The following TCF20 variants were observed in gnomAD, a reference collection of about 807,000 sequenced individuals.
TCF20 encodes transcription factor 20.
TCF20 carries 3 observed loss-of-function variants against 148.6 expected under a neutral mutation model. The ratio of observed to expected loss-of-function variants is 0.02; its 90% CI spans 0.01 to 0.05. The LOEUF is 0.05. TCF20 is among the 10% of genes least tolerant of loss of function. The probability of loss-of-function intolerance (pLI) is 1.00; values close to 1 mark genes in which losing one functional copy is unlikely to be tolerated. For missense variants in TCF20, 2,350 were observed against 2,429.3 expected (o/e 0.97, Z 0.69); for synonymous variants, 1,049 against 909.5 (o/e 1.15, Z -2.76).
At chr22:42,247,371 C>G (rs566693812) in intron 1 of TCF20, among the ~76,000 whole-genome samples, 4 of 143,876 alleles carry the variant, frequency 2.8e-5, no homozygotes, top group Admixed American at 2.2e-4. Flanking sequence ...ACCCGGGAGG[C>G]GGAGCTTGCA....
At chr22:42,284,628 C>T (rs1926989576), upstream of TCF20, among the ~76,000 whole-genome samples, 1 of 152,154 alleles carries the variant, frequency 6.6e-6, no homozygotes, top group Non-Finnish European at 1.5e-5. Context: ...TGGCTGCCCC[C>T]TACAAAGGTG....
chr22:42,161,414 AACAGC>A, intron 5 of TCF20, 56 bp from the exon 6 acceptor site: 1 of 1,612,604 alleles, frequency 6.2e-7, no homozygotes, highest in Non-Finnish European at 8.5e-7. Context: ...GTCCACCACC[AACAGC>A]CGCTGTTCCG....
At chr22:42,265,312 T>C (rs2146988213) in intron 1 of TCF20, among the ~76,000 whole-genome samples, 1 of 152,296 alleles carries the variant, frequency 6.6e-6, no homozygotes, top group East Asian at 1.9e-4. Context: ...TACTGTATTC[T>C]TTTTCTTCTT....
chr22:42,223,577 T>C (rs560702994), intron 1 of TCF20, among the ~76,000 whole-genome samples: 10 of 152,190 alleles, frequency 6.6e-5, no homozygotes, highest in Non-Finnish European at 1.2e-4. Flanking sequence ...AAATGGAGAC[T>C]CAGAAGTTAA....
intron 1 of TCF20, among the ~76,000 whole-genome samples, chr22:42,246,100 C>CTTTTTCT (rs1332066851): frequency 6.6e-6 from 1 of 152,054 alleles, no homozygotes; most frequent in Non-Finnish European, 1.5e-5. Flanking sequence ...TTGCTTAATT[C>CTTTTTCT]TTTTTCTTTT....
intron 1 of TCF20, among the ~76,000 whole-genome samples, chr22:42,260,914 C>CA (rs1226517284): frequency 6.6e-6 from 1 of 152,170 alleles, no homozygotes; most frequent in African/African-American, 2.4e-5. Context: ...TTTTTACAGT[C>CA]AAATCACATA....
intron 1 of TCF20, among the ~76,000 whole-genome samples, chr22:42,260,593 G>A (rs1204959013): frequency 2.0e-5 from 3 of 151,966 alleles, no homozygotes; most frequent in Non-Finnish European, 1.5e-5. Flanking sequence ...GATGCAATAC[G>A]CCCACCTCAG....
In TCF20 at chr22:42,279,748, G is replaced by A. The variant is rs1052133091; in HGVS notation, c.-37+4079C>T. Among the ~76,000 whole-genome samples the A allele has an allele frequency of 1.3e-5, 2 of 152,196 alleles. No homozygotes were observed. The highest frequency in any genetic ancestry group is 2.9e-5 in the Non-Finnish European group (2 of 68,036). On this transcript the variant is annotated intron_variant, in intron 1 of 5. Transcript: ENST00000359486. The surrounding 1 kb of genome is among the most constrained non-coding windows in gnomAD (Gnocchi z 4.3). Reference sequence around the variant, plus strand: ...CCTACAGTCACCCAGCAGACACAGCGGAGCAAGGAGGAAGCCACACCTGTT... The same window carrying A: ...CCTACAGTCACCCAGCAGACACAGCAGAGCAAGGAGGAAGCCACACCTGTT...
chr22:42,326,721 T>C (rs961793537), intron 1 of TCF20, among the ~76,000 whole-genome samples: 4 of 152,254 alleles, frequency 2.6e-5, no homozygotes, highest in Admixed American at 2.0e-4. Flanking sequence ...AACTGTAGTC[T>C]GGACAGAACC....
chr22:42,220,524 T>C (rs960182953), intron 1 of TCF20, among the ~76,000 whole-genome samples: 2 of 152,242 alleles, frequency 1.3e-5, no homozygotes, highest in African/African-American at 4.8e-5. Flanking sequence ...CATGATTTTC[T>C]GCTTATTCTC....
At chr22:42,285,520 G>A (rs143893559), upstream of TCF20, among the ~76,000 whole-genome samples, 386 of 152,152 alleles carry the variant, frequency 2.5e-3, no homozygotes, top group African/African-American at 8.6e-3. This position sits in a 1 kb window ranked among gnomAD's most constrained non-coding sequence, Gnocchi z 4.2. Flanking sequence ...GAGGCATTCC[G>A]CAGCCCTTCT....
Position 42,251,492 on chromosome 22 carries a change from CTTTTTTTTTTTT to C in TCF20, c.-37+18835_-37+18846del, listed in dbSNP as rs71184878. ...ACTCTGTACCTGGCCAAACAAGTGT[CTTTTTTTTTTTT>C]TTTTTTTTTTTTTTTTGAGACAGAA... On this transcript the variant is annotated intron_variant, in intron 1 of 5. Transcript: ENST00000677622. 1.9e-4 allele frequency among the ~76,000 whole-genome samples: 9 copies of C among 47,026 alleles called. No homozygotes were observed. In the East Asian group the frequency reaches 2.4e-3, roughly 12 times the overall value. 30.9% of individuals were successfully genotyped at this position (47,026 alleles called of 152,430 possible). A position where few individuals can be genotyped will look rare whatever the true frequency, so the allele number is the denominator to read the frequency against.
chr22:42,331,182 G>T (rs978875755), intron 1 of TCF20, among the ~76,000 whole-genome samples: 1 of 152,210 alleles, frequency 6.6e-6, no homozygotes, highest in African/African-American at 2.4e-5. Flanking sequence ...GCCGCGGAGC[G>T]CGACTGTCAA....
chr22:42,203,109 A>G (rs1938151638), intron 2 of TCF20, among the ~76,000 whole-genome samples: 2 of 152,142 alleles, frequency 1.3e-5, no homozygotes, highest in South Asian at 2.1e-4. Context: ...TTGTTTATCA[A>G]TATTTTTGTT....
intron 1 of TCF20, among the ~76,000 whole-genome samples, chr22:42,298,329 G>T (rs1259335652): frequency 6.6e-6 from 1 of 152,244 alleles, no homozygotes; most frequent in Non-Finnish European, 1.5e-5. Context: ...GCACATGGGC[G>T]ATTGACCCAA....
intron 2 of TCF20, among the ~76,000 whole-genome samples, chr22:42,185,767 A>C (rs1281782737): frequency 1.3e-5 from 2 of 152,186 alleles, no homozygotes; most frequent in African/African-American, 4.8e-5. Flanking sequence ...ACTTCCTTAG[A>C]GCTAGACGAT....
intron 1 of TCF20, among the ~76,000 whole-genome samples, chr22:42,283,812 C>T (rs1350940406): frequency 6.6e-6 from 1 of 152,104 alleles, no homozygotes; most frequent in African/African-American, 2.4e-5. Flanking sequence ...GGAGAGGCAC[C>T]GCGCACACCG....
Position 42,199,739 on chromosome 22 carries a change from T to C in TCF20, c.5655+9912A>G, listed in dbSNP as rs547359870. 1.9e-4 allele frequency among the ~76,000 whole-genome samples: 18 copies of C among 93,738 alleles called. No homozygotes were observed. In the South Asian group the frequency reaches 5.2e-3, roughly 27 times the overall value. The allele number at this position is 93,738 out of a possible 152,430, so 61.5% of individuals were successfully genotyped here. ...AAAAAAAAAAAAAAAAAAAAAAAAT[T>C]AGCCAGATGTGGTGACAGGAGAATC... On this transcript the variant is annotated intron_variant, in intron 2 of 5. Transcript: ENST00000677622.
intron 2 of TCF20, among the ~76,000 whole-genome samples, chr22:42,182,080 T>C (rs1486933541): frequency 6.6e-6 from 1 of 152,196 alleles, no homozygotes; most frequent in East Asian, 1.9e-4. Flanking sequence ...GGGCCTACCA[T>C]GACACTGTCA....
Sources: gnomAD v4.1 joint callset for allele counts (sites outside exome capture counted in the v4.1 genomes callset) on GRCh38, gnomAD v4.1.1 for gene constraint, Gnocchi (gnomAD v3.1) non-coding constraint, MANE v1.5 for transcripts, NCBI Gene and HGNC (gene_info 2026-07-23, HGNC 2026-07-21) for gene names.